SPICE1: variants seen among roughly 807,000 people sequenced by gnomAD.
SPICE1 encodes the protein spindle and centriole-associated protein 1.
In SPICE1, 75 loss-of-function variants were observed where a neutral mutation model predicts 102.7. The ratio of observed to expected loss-of-function variants is 0.73; its 90% CI spans 0.61 to 0.88. The LOEUF (loss-of-function observed/expected upper bound fraction) is 0.88, where lower values mean the gene tolerates loss of function less well. Ranked by LOEUF, SPICE1 falls within the 40% of genes least tolerant of loss-of-function variation. The pLI is 0.00. For missense variants in SPICE1, 979 were observed against 1,020.1 expected, an observed-to-expected ratio of 0.96 and a Z score of 0.55; for synonymous variants, 308 against 350.3, an observed-to-expected ratio of 0.88 and a Z score of 1.35.
chr3:113,503,285 C>T, intron 2 of SPICE1, 58 bp from the exon 3 acceptor site: 3 of 1,453,956 alleles, frequency 2.1e-6, no homozygotes, highest in African/African-American at 1.5e-5. Flanking sequence ...ATAAAATATA[C>T]ACATTTATTG....
chr3:113,481,599 G>T (rs1320537145), intron 7 of SPICE1, among the ~76,000 whole-genome samples: 2 of 151,476 alleles, frequency 1.3e-5, no homozygotes, highest in Non-Finnish European at 2.9e-5. Flanking sequence ...CCCGGTGTGT[G>T]ATGTTCCCCT....
chr3:113,509,282 C>T (rs1004391498), intron 1 of SPICE1, among the ~76,000 whole-genome samples: 1 of 152,124 alleles, frequency 6.6e-6, no homozygotes, highest in African/African-American at 2.4e-5. Context: ...TATTCAAAGA[C>T]ATGAATCTAA....
At chr3:113,491,697 C>CTGCT (rs1173341091) in intron 6 of SPICE1, among the ~76,000 whole-genome samples, 2 of 149,874 alleles carry the variant, frequency 1.3e-5, no homozygotes, top group Non-Finnish European at 3.0e-5. Flanking sequence ...TAGTGGTCCT[C>CTGCT]TGCTTATCTA....
intron 7 of SPICE1, among the ~76,000 whole-genome samples, chr3:113,485,378 C>G (rs757925041): frequency 6.6e-6 from 1 of 152,060 alleles, no homozygotes; most frequent in Non-Finnish European, 1.5e-5. Flanking sequence ...CAACCTGGGA[C>G]GCTCGAGCTT....
rs1382483715 is a variant in SPICE1, at chr3:113,503,223, G to A, written c.104C>T (p.Thr35Ile). ...CCGATGAACGGTTAGATCAGTCACG[G>A]TATTCTGTAAAAAAAGGTGGCCTTT... The part of the protein sequence containing the change: ...KTSVKQEWDN[T>I]VTDLTVHRAT... The change falls in exon 3 of 18, where the codon ACC becomes ATC. Residue 35 changes from threonine to isoleucine, a missense_variant. Transcript: ENST00000295872. The A allele has an allele frequency of 6.3e-7, 1 of 1,577,012 alleles. No homozygotes were observed. The highest frequency in any genetic ancestry group is 8.6e-7 in the Non-Finnish European group (1 of 1,167,786).
At chr3:113,508,386 C>T (rs1937153415) in intron 1 of SPICE1, among the ~76,000 whole-genome samples, 1 of 152,076 alleles carries the variant, frequency 6.6e-6, no homozygotes, top group Non-Finnish European at 1.5e-5. Flanking sequence ...TGATAAAGGA[C>T]TTGAATCCAG....
At chr3:113,512,556 T>G (rs7618226) in intron 1 of SPICE1, among the ~76,000 whole-genome samples, 38,188 of 151,742 alleles carry the variant, frequency 0.25, 5,146 homozygotes, top group African/African-American at 0.35. Flanking sequence ...TTACAGGCGC[T>G]TGCCACCATG....
At chr3:113,457,080 T>A in intron 13 of SPICE1, 56 bp downstream of exon 13, 1 of 1,520,242 alleles carries the variant, frequency 6.6e-7, no homozygotes, top group South Asian at 1.2e-5. Flanking sequence ...AAGTAATACA[T>A]TGCACAAATG....
intron 3 of SPICE1, 144 bp downstream of exon 3, chr3:113,503,036 G>A (rs549777184): frequency 3.3e-5 from 25 of 752,124 alleles, no homozygotes; most frequent in South Asian, 2.9e-4. Context: ...GAAGATAGGC[G>A]TTTTGATTTT....
At chr3:113,476,702 T>C (rs1311137812) in intron 7 of SPICE1, among the ~76,000 whole-genome samples, 4 of 151,180 alleles carry the variant, frequency 2.6e-5, no homozygotes, top group Admixed American at 6.6e-5. Context: ...CCCTATTTAA[T>C]AAATGGTGCT....
At chr3:113,454,660 G>A (rs1316254836) in intron 13 of SPICE1, among the ~76,000 whole-genome samples, 2 of 151,890 alleles carry the variant, frequency 1.3e-5, no homozygotes, top group African/African-American at 4.8e-5. Flanking sequence ...AGGTTGCAGT[G>A]AGCTGAGATT....
chr3:113,475,892 T>A (rs564181134), intron 7 of SPICE1, among the ~76,000 whole-genome samples: 127 of 144,586 alleles, frequency 8.8e-4, no homozygotes, highest in African/African-American at 3.0e-3. Context: ...GGATGCCCTC[T>A]CTCACTACTC....
chr3:113,466,218 G>A (rs997444542), intron 10 of SPICE1, among the ~76,000 whole-genome samples: 14 of 152,104 alleles, frequency 9.2e-5, no homozygotes, highest in Non-Finnish European at 1.6e-4. Context: ...TGACTATATT[G>A]CCAATTCAAA....
At chr3:113,482,425 T>G (rs1042098872) in intron 7 of SPICE1, among the ~76,000 whole-genome samples, 1 of 152,224 alleles carries the variant, frequency 6.6e-6, no homozygotes, top group African/African-American at 2.4e-5. Flanking sequence ...AGATCCTCTT[T>G]GTCAATTTTG....
At chr3:113,501,048 G>A (rs1218848219) in intron 3 of SPICE1, among the ~76,000 whole-genome samples, 1 of 152,078 alleles carries the variant, frequency 6.6e-6, no homozygotes, top group Non-Finnish European at 1.5e-5. Flanking sequence ...ATGTGGTACT[G>A]GCATAAGGAT....
chr3:113,514,418 T>C (rs893908980), intron 1 of SPICE1: 3 of 352,368 alleles, frequency 8.5e-6, no homozygotes, highest in Non-Finnish European at 1.1e-5. Context: ...CTACTTCCTC[T>C]AGATTCGGAT....
intron 11 of SPICE1, among the ~76,000 whole-genome samples, chr3:113,464,389 T>C (rs763360324): frequency 6.6e-5 from 10 of 151,488 alleles, no homozygotes; most frequent in Non-Finnish European, 1.0e-4. Flanking sequence ...CCCAAGCAGC[T>C]AGGACTACAG....
intron 12 of SPICE1, chr3:113,459,828 G>C: frequency 1.0e-6 from 1 of 959,324 alleles, no homozygotes; most frequent in Non-Finnish European, 1.2e-6. Context: ...GTTGCAGTAA[G>C]CCGAGAGGGC....
In SPICE1 at chr3:113,503,184, T is replaced by C; in HGVS notation, c.143A>G (p.Asp48Gly). 1 of 1,606,780 alleles carries C rather than the reference T, an allele frequency of 6.2e-7. No individual in the cohort carries two copies. Among genetic ancestry groups the C allele is most frequent in the East Asian group, 2.3e-5 (1 of 44,394 alleles). The change falls in exon 3 of 18, where the codon GAT becomes GGT. Residue 48 changes from aspartate (D) to glycine (G), a missense_variant. Coordinates refer to ENST00000295872, the MANE Select transcript of SPICE1 (RefSeq NM_144718.4). The stretch of plus-strand genomic sequence containing the variant: ...AAGTTTTGATATTAAACTCACCAGA[T>C]CTTCGGGAGTTGCCCGATGAACGGT... ...DLTVHRATPE[D>G]LVRRHEIHKS...
Sources: gnomAD v4.1 joint callset for allele counts (sites outside exome capture counted in the v4.1 genomes callset) on GRCh38, gnomAD v4.1.1 for gene constraint, MANE v1.5 for transcripts, NCBI Gene and HGNC (gene_info 2026-07-23, HGNC 2026-07-21) for gene names.